SYT14: variants seen among roughly 807,000 people sequenced by gnomAD.
SYT14 encodes the protein synaptotagmin 14.
SYT14 carries 32 observed loss-of-function variants against 74.2 expected under a neutral mutation model. The ratio of observed to expected loss-of-function variants is 0.43; its 90% CI spans 0.33 to 0.58. The LOEUF (loss-of-function observed/expected upper bound fraction) is 0.58, where lower values mean the gene tolerates loss of function less well. SYT14 is among the 20% of genes least tolerant of loss of function. SYT14 has a pLI of 0.05. For synonymous variants in SYT14, 298 were observed against 337.7 expected (o/e 0.88, Z 1.29); for missense variants, 791 against 981.8 (o/e 0.81, Z 2.60).
intron 2 of SYT14, among the ~76,000 whole-genome samples, chr1:209,991,893 C>T (rs566107311): frequency 3.0e-4 from 45 of 150,838 alleles, no homozygotes; most frequent in African/African-American, 1.0e-3. Flanking sequence ...TGGAAACATA[C>T]GCTGTTGGTG....
exon 10 of SYT14, chr1:210,166,356 A>T (rs1045081636): frequency 6.6e-6 from 1 of 152,306 alleles, no homozygotes; most frequent in African/African-American, 2.4e-5. Flanking sequence ...ACTTGAGCTC[A>T]GGAGTTTAAG....
intron 2 of SYT14, among the ~76,000 whole-genome samples, chr1:209,962,118 T>C (rs980518638): frequency 8.5e-5 from 13 of 152,106 alleles, no homozygotes; most frequent in African/African-American, 3.1e-4. Context: ...CTTTTCTTTC[T>C]TTCTTGTGAC....
At chr1:210,153,597 T>C (rs1246058016) in intron 7 of SYT14, among the ~76,000 whole-genome samples, 1 of 152,192 alleles carries the variant, frequency 6.6e-6, no homozygotes, top group East Asian at 1.9e-4. Context: ...TAGTAATGTA[T>C]GGATTTCTAA....
At chr1:210,094,545 A>G in exon 6 of SYT14, 1 of 1,611,300 alleles carries the variant, frequency 6.2e-7, no homozygotes, top group Non-Finnish European at 8.5e-7. Context: ...ATAATAAAGG[A>G]TATGAAGAAG....
At chr1:210,015,968 C>T in exon 4 of SYT14, 4 of 1,231,696 alleles carry the variant, frequency 3.2e-6, no homozygotes, top group Non-Finnish European at 4.0e-6. Flanking sequence ...AGAGAAAATT[C>T]CATTATTGCA....
chr1:210,058,749 C>T (rs922279468), intron 5 of SYT14, among the ~76,000 whole-genome samples: 50 of 152,286 alleles, frequency 3.3e-4, no homozygotes, highest in African/African-American at 1.2e-3. Flanking sequence ...GTAAGGCAGT[C>T]TCAGCAATTT....
At chr1:210,078,733 A>G (rs192728876) in intron 5 of SYT14, among the ~76,000 whole-genome samples, 2 of 150,504 alleles carry the variant, frequency 1.3e-5, no homozygotes, top group African/African-American at 2.5e-5. Flanking sequence ...TCTATGAATA[A>G]TATGATATAC....
rs147409177 is a variant in SYT14, at chr1:210,160,903, G to T, written c.2456G>T (p.Ser819Ile). The change falls in exon 10 of 10, where the codon AGC becomes ATC. Residue 819 changes from serine (S) to isoleucine (I), a missense_variant. Coordinates refer to ENST00000637265, the Ensembl canonical transcript of SYT14. ...ATACTGTCTGTGTATAACAAACGCAGCATGAAAAGAAAAGAGATGATAGGC... is the reference window on the plus strand; with the variant it reads ...ATACTGTCTGTGTATAACAAACGCATCATGAAAAGAAAAGAGATGATAGGC... 1.2e-6 allele frequency: 2 copies of T among 1,613,858 alleles called. No homozygotes were observed. The highest frequency in any genetic ancestry group is 2.7e-5 in the African/African-American group (2 of 74,922).
At chr1:209,982,286 G>A (rs1448834660) in intron 2 of SYT14, among the ~76,000 whole-genome samples, 1 of 152,104 alleles carries the variant, frequency 6.6e-6, no homozygotes, top group East Asian at 1.9e-4. Context: ...CCCCAGAGTA[G>A]CCAGGACTAC....
chr1:210,040,053 TA>T (rs2080753707), intron 5 of SYT14, among the ~76,000 whole-genome samples: 1 of 152,156 alleles, frequency 6.6e-6, no homozygotes, highest in African/African-American at 2.4e-5. Context: ...CATTCTACTA[TA>T]AAGACACATG....
chr1:209,938,587 C>T (rs2078675432), intron 1 of SYT14, among the ~76,000 whole-genome samples: 1 of 151,938 alleles, frequency 6.6e-6, no homozygotes, highest in South Asian at 2.1e-4. Context: ...GCCGGCCGCG[C>T]GGAGTGGAGG....
At chr1:210,040,955 G>T (rs909005432) in intron 5 of SYT14, among the ~76,000 whole-genome samples, 2 of 152,138 alleles carry the variant, frequency 1.3e-5, no homozygotes, top group Non-Finnish European at 2.9e-5. Flanking sequence ...GTTCTTCTAC[G>T]GGAGTGGCCT....
intron 5 of SYT14, among the ~76,000 whole-genome samples, chr1:210,078,628 A>G (rs987419237): frequency 3.2e-4 from 48 of 152,154 alleles, no homozygotes; most frequent in Non-Finnish European, 6.2e-4. Context: ...ACAGGTCTAG[A>G]GTGTACATTG....
chr1:210,074,272 G>T (rs1000292276), intron 5 of SYT14, among the ~76,000 whole-genome samples: 8 of 152,256 alleles, frequency 5.3e-5, no homozygotes, highest in Admixed American at 1.3e-4. Flanking sequence ...TTACAATAAG[G>T]TTGATGCTAT....
chr1:209,975,779 A>G (rs970559295), intron 2 of SYT14, among the ~76,000 whole-genome samples: 4 of 152,126 alleles, frequency 2.6e-5, no homozygotes, highest in African/African-American at 4.8e-5. Context: ...AGAAGGAATG[A>G]TACCAGCTCC....
intron 5 of SYT14, among the ~76,000 whole-genome samples, chr1:210,071,953 T>C (rs1217901108): frequency 6.6e-6 from 1 of 151,932 alleles, no homozygotes; most frequent in Admixed American, 6.6e-5. Context: ...AAGTTTTTAT[T>C]ACTGAAGAAC....
intron 7 of SYT14, among the ~76,000 whole-genome samples, chr1:210,146,965 A>G (rs1392840315): frequency 2.0e-5 from 3 of 152,006 alleles, no homozygotes; most frequent in African/African-American, 7.2e-5. Context: ...TAGGCTATAC[A>G]ATTCCCACAG....
intron 2 of SYT14, among the ~76,000 whole-genome samples, chr1:209,956,544 T>G (rs1405393785): frequency 1.3e-5 from 2 of 152,126 alleles, no homozygotes; most frequent in Non-Finnish European, 2.9e-5. Context: ...GAAAGTACAT[T>G]CCTTAAGATT....
chr1:210,070,396 T>A (rs1228949610), intron 5 of SYT14, among the ~76,000 whole-genome samples: 1 of 152,124 alleles, frequency 6.6e-6, no homozygotes, highest in Admixed American at 6.6e-5. Flanking sequence ...AACTGTTAAA[T>A]GTTATGGATT....
Sources: gnomAD v4.1 joint callset for allele counts (sites outside exome capture counted in the v4.1 genomes callset) on GRCh38, gnomAD v4.1.1 for gene constraint, MANE v1.5 for transcripts, NCBI Gene and HGNC (gene_info 2026-07-23, HGNC 2026-07-21) for gene names.